Variants in CLEC17A observed in about 807,000 individuals in gnomAD.
CLEC17A encodes the protein C-type lectin domain containing 17A.
CLEC17A carries 37 observed loss-of-function variants against 61.3 expected under a neutral mutation model. The observed-to-expected ratio is 0.60, with a 90% confidence interval of 0.46 to 0.79. CLEC17A has a LOEUF of 0.79. Among genes scored for constraint, CLEC17A ranks in the 30% least tolerant of loss-of-function variants. The pLI, the probability that CLEC17A is intolerant of heterozygous loss-of-function variation, is 0.00. For missense variants in CLEC17A, 418 were observed against 464.7 expected, an observed-to-expected ratio of 0.90 and a Z score of 0.92; for synonymous variants, 168 against 164.9, an observed-to-expected ratio of 1.02 and a Z score of -0.14.
chr19:14,599,530 C>A, intron 10 of CLEC17A, 187 bp from the exon 11 acceptor site: 1 of 664,730 alleles, frequency 1.5e-6, no homozygotes, highest in South Asian at 1.6e-5. Flanking sequence ...GGATTGATCC[C>A]TCCTCTGAGC....
intron 11 of CLEC17A, 35 bp downstream of exon 11, chr19:14,599,847 G>A (rs564338968): frequency 1.9e-6 from 3 of 1,574,616 alleles, no homozygotes; most frequent in South Asian, 2.3e-5. Flanking sequence ...CAGGGATGGG[G>A]GGCATGGCAG....
At chr19:14,607,998 G>A (rs756206202) in intron 13 of CLEC17A, among the ~76,000 whole-genome samples, 2 of 151,984 alleles carry the variant, frequency 1.3e-5, no homozygotes, top group Non-Finnish European at 2.9e-5. Flanking sequence ...AGCCTCCCGA[G>A]TACCTGGGAC....
Position 14,600,061 on chromosome 19 carries a change from G to T in CLEC17A, c.773G>T (p.Trp258Leu). The change falls in exon 12 of 14, where the codon TGG becomes TTG. Residue 258 changes from tryptophan to leucine, a missense_variant. Physicochemically the swap from Trp to Leu is moderately conservative, Grantham distance 61. Coordinates refer to ENST00000417570, the MANE Select transcript of CLEC17A (RefSeq NM_001204118.2). ...DCRRITCPEGWLPFEGKCYYF... is the reference protein window; with the variant it reads ...DCRRITCPEGLLPFEGKCYYF... The stretch of plus-strand genomic sequence containing the variant: ...CGCCGAATTACCTGTCCTGAAGGCT[G>T]GCTGCCCTTTGAGGGCAAGTGTTAC... 1.2e-6 allele frequency: 2 copies of T among 1,614,024 alleles called. No homozygotes were observed. Among genetic ancestry groups the T allele is most frequent in the Non-Finnish European group, 1.7e-6 (2 of 1,179,900 alleles).
At chr19:14,604,691 A>C (rs1277998183) in intron 12 of CLEC17A, among the ~76,000 whole-genome samples, 1 of 151,964 alleles carries the variant, frequency 6.6e-6, no homozygotes, top group African/African-American at 2.4e-5. Flanking sequence ...TGAACCTGCG[A>C]GGCGGAGGGT....
chr19:14,594,685 G>A lies in CLEC17A; in HGVS notation c.361+3G>A, dbSNP rs2074501107. 3 of 1,613,890 alleles carry A rather than the reference G, an allele frequency of 1.9e-6. No homozygotes were observed. The highest frequency in any genetic ancestry group is 3.3e-5 in the Admixed American group (2 of 59,996). On this transcript the variant is annotated splice_donor_region_variant and intron_variant, in intron 6 of 13. Coordinates refer to ENST00000417570, the MANE Select transcript of CLEC17A (RefSeq NM_001204118.2). ...TTGCAAGCCCCGGAACATGACAGGT[G>A]AGAGCTGACAGTTGGAGTCTTCCTG...
At chr19:14,596,451 C>T (rs971111877) in intron 8 of CLEC17A, among the ~76,000 whole-genome samples, 2 of 151,940 alleles carry the variant, frequency 1.3e-5, no homozygotes, top group Non-Finnish European at 1.5e-5. Flanking sequence ...GACAACATGG[C>T]GAGACCCCCA....
chr19:14,582,492 G>A (rs916391556), upstream of CLEC17A, among the ~76,000 whole-genome samples: 4 of 152,170 alleles, frequency 2.6e-5, no homozygotes, highest in African/African-American at 7.2e-5. Context: ...GATTACAGGC[G>A]TGAGCCACGA....
chr19:14,583,401 A>C lies in CLEC17A; in HGVS notation c.88A>C (p.Thr30Pro). 1 of 1,612,174 alleles carries C rather than the reference A, an allele frequency of 6.2e-7. No homozygotes were observed. The highest frequency in any genetic ancestry group is 8.5e-7 in the Non-Finnish European group (1 of 1,179,120). The change falls in exon 2 of 14, where the codon ACA becomes CCA. Residue 30 changes from threonine (T) to proline (P), a missense_variant. Thr to Pro is a conservative substitution (Grantham distance 38). Coordinates refer to ENST00000417570, the MANE Select transcript of CLEC17A (RefSeq NM_001204118.2). Reference protein sequence around the residue: ...EEEDDDYENSTPPYKDLPPKP... With the variant: ...EEEDDDYENSPPPYKDLPPKP... ...GGAGGATGATGACTATGAGAACTCA[A>C]CACCTCCCTACAAGGACCTTCCTCC... is the stretch of plus-strand genomic sequence containing the variant.
intron 13 of CLEC17A, 80 bp downstream of exon 13, chr19:14,607,182 C>A: frequency 1.9e-6 from 1 of 532,450 alleles, no homozygotes; most frequent in Non-Finnish European, 2.8e-6. Flanking sequence ...TGATGGAGTA[C>A]ATGGTTGAAG....
At chr19:14,590,435 C>T (rs2074381589) in intron 3 of CLEC17A, among the ~76,000 whole-genome samples, 1 of 150,936 alleles carries the variant, frequency 6.6e-6, no homozygotes, top group South Asian at 2.1e-4. Context: ...GCTGCCCAGG[C>T]CGGAGTGCAA....
intron 3 of CLEC17A, among the ~76,000 whole-genome samples, chr19:14,589,568 T>G: frequency 1.1e-5 from 1 of 90,862 alleles, no homozygotes; most frequent in Admixed American, 1.1e-4. Flanking sequence ...GTAGCTGGGG[T>G]TACAGGCATG....
chr19:14,593,894 G>A (rs1326613127), intron 4 of CLEC17A, among the ~76,000 whole-genome samples: 2 of 152,034 alleles, frequency 1.3e-5, no homozygotes, highest in African/African-American at 2.4e-5. Context: ...CCTGGGAGGC[G>A]GAGGTTGCAG....
At position 14,610,098 on chromosome 19, in the gene CLEC17A, G is replaced by A. The variant is rs768312458; in HGVS notation, c.1039G>A (p.Asp347Asn). 87 of 1,612,956 alleles carry A rather than the reference G, an allele frequency of 5.4e-5. No homozygotes were observed. The highest frequency in any genetic ancestry group is 7.2e-5 in the Non-Finnish European group (85 of 1,179,568). Residue 347 changes from aspartate (D) to asparagine (N), a missense_variant, in exon 14 of 14, where the codon GAT becomes AAT. Physicochemically the swap from Asp to Asn is conservative, Grantham distance 23. Transcript: ENST00000417570. ...GCCAGAGGAACCCAATAACATCCACGATGAGGACTGTGCTACCATGAACAA... is the reference window on the plus strand; with the variant it reads ...GCCAGAGGAACCCAATAACATCCACAATGAGGACTGTGCTACCATGAACAA... Reference protein sequence around the residue: ...WEPEEPNNIHDEDCATMNKGG... With the variant: ...WEPEEPNNIHNEDCATMNKGG...
intron 10 of CLEC17A, among the ~76,000 whole-genome samples, chr19:14,597,866 A>G (rs2074587401): frequency 6.6e-6 from 1 of 152,110 alleles, no homozygotes; most frequent in African/African-American, 2.4e-5. Flanking sequence ...AGCCTCCTGA[A>G]GTGTTTCGTG....
rs1568457983 is a variant in CLEC17A at position 14,600,042 on chromosome 19, A to G, written c.754A>G (p.Ile252Val). 2 of 1,614,008 alleles carry G rather than the reference A, an allele frequency of 1.2e-6. No individual in the cohort carries two copies. The highest frequency in any genetic ancestry group is 1.7e-5 in the Admixed American group (1 of 60,016). ...ELWGLLDCRR[I>V]TCPEGWLPFE... Reference sequence around the variant, plus strand: ...TGTCTGGTTCCCAGACTGCCGCCGAATTACCTGTCCTGAAGGCTGGCTGCC... The same window carrying G: ...TGTCTGGTTCCCAGACTGCCGCCGAGTTACCTGTCCTGAAGGCTGGCTGCC... The change falls in exon 12 of 14, where the codon ATT becomes GTT. Residue 252 changes from isoleucine (I) to valine (V), a missense_variant. By Grantham distance (29) the Ile-to-Val change is conservative. Coordinates refer to ENST00000417570, the MANE Select transcript of CLEC17A (RefSeq NM_001204118.2).
intron 10 of CLEC17A, among the ~76,000 whole-genome samples, chr19:14,599,105 T>TTTTTA (rs2074635504): frequency 7.5e-6 from 1 of 133,952 alleles, no homozygotes; most frequent in Non-Finnish European, 1.5e-5. Context: ...TTTTTTTTTT[T>TTTTTA]GAGATGAAGT....
chr19:14,582,965 A>ATGTGTG (rs35999236), upstream of CLEC17A: 148 of 551,980 alleles, frequency 2.7e-4, no homozygotes, highest in African/African-American at 2.0e-3. Context: ...CTCTGTGTGT[A>ATGTGTG]TGTGTGTGTG....
chr19:14,594,904 C>CAAAAAA, intron 7 of CLEC17A, 104 bp downstream of exon 7: 2 of 1,158,886 alleles, frequency 1.7e-6, no homozygotes, highest in Non-Finnish European at 2.5e-6. Context: ...GACAGAGTCT[C>CAAAAAA]ACTGTCATCC....
chr19:14,596,680 G>T (rs576753104), intron 8 of CLEC17A, among the ~76,000 whole-genome samples, 196 bp from the exon 9 acceptor site: 2 of 152,054 alleles, frequency 1.3e-5, no homozygotes, highest in Admixed American at 6.6e-5. Context: ...GATGCTTAGC[G>T]CACCGTAAAT....
Sources: gnomAD v4.1 joint callset for allele counts (sites outside exome capture counted in the v4.1 genomes callset) on GRCh38, gnomAD v4.1.1 for gene constraint, MANE v1.5 for transcripts, NCBI Gene and HGNC (gene_info 2026-07-23, HGNC 2026-07-21) for gene names.